LINGO2: variants seen among roughly 807,000 people sequenced by gnomAD.
LINGO2 encodes leucine rich repeat and Ig domain containing 2.
Under a neutral mutation model 30.6 loss-of-function variants are expected in LINGO2, and 14 were observed. The observed-to-expected ratio is 0.46, with a 90% CI of 0.30 to 0.72. LINGO2 has a LOEUF of 0.72. LINGO2 is among the 30% of genes least tolerant of loss of function. The pLI, the probability that LINGO2 is intolerant of heterozygous loss-of-function variation, is 0.07. For missense variants in LINGO2, 729 were observed against 751.7 expected, an observed-to-expected ratio of 0.97 and a Z score of 0.35; for synonymous variants, 317 against 288.5, an observed-to-expected ratio of 1.10 and a Z score of -1.00.
intron 4 of LINGO2, among the ~76,000 whole-genome samples, chr9:28,173,156 T>C (rs1564017778): frequency 6.6e-6 from 1 of 152,184 alleles, no homozygotes; most frequent in Admixed American, 6.5e-5. Flanking sequence ...TATATACACA[T>C]ACAAATGAGA....
chr9:28,677,083 C>T, the LINGO2 span, among the ~76,000 whole-genome samples: 1 of 152,084 alleles, frequency 6.6e-6, no homozygotes, highest in Non-Finnish European at 1.5e-5. Flanking sequence ...CATTTATTTG[C>T]ATGCCTAATT....
chr9:28,254,578 G>C (rs894839097), intron 4 of LINGO2, among the ~76,000 whole-genome samples: 9 of 151,960 alleles, frequency 5.9e-5, no homozygotes, highest in African/African-American at 2.2e-4. Flanking sequence ...ATAGCTTTTA[G>C]AGGCACTTTA....
chr9:27,963,026 T>C (rs1375404430), intron 5 of LINGO2, among the ~76,000 whole-genome samples: 1 of 152,160 alleles, frequency 6.6e-6, no homozygotes, highest in African/African-American at 2.4e-5. Context: ...GAAATAGACT[T>C]AAAGAAGCAA....
At chr9:27,951,843 C>T (rs993138727) in intron 5 of LINGO2, among the ~76,000 whole-genome samples, 15 of 151,356 alleles carry the variant, frequency 9.9e-5, no homozygotes, top group South Asian at 4.2e-4. Context: ...AATAATTATC[C>T]GATTACAGTA....
At chr9:28,276,859 G>A (rs1025942188) in intron 4 of LINGO2, among the ~76,000 whole-genome samples, 17 of 152,146 alleles carry the variant, frequency 1.1e-4, no homozygotes, top group Middle Eastern at 3.4e-3. Flanking sequence ...ATGATATCTC[G>A]TTAATATTAA....
chr9:27,994,482 G>T (rs1821558684), intron 5 of LINGO2, among the ~76,000 whole-genome samples: 1 of 152,100 alleles, frequency 6.6e-6, no homozygotes, highest in Non-Finnish European at 1.5e-5. Flanking sequence ...GAAAAGGGAG[G>T]TCTGGGAAAT....
At chr9:28,568,389 C>T (rs1179090859) in intron 1 of LINGO2, among the ~76,000 whole-genome samples, 2 of 151,892 alleles carry the variant, frequency 1.3e-5, no homozygotes, top group Non-Finnish European at 2.9e-5. Flanking sequence ...GGCTTAGTAC[C>T]TGGATGACAA....
At chr9:28,813,435 A>G in the LINGO2 span, among the ~76,000 whole-genome samples, 5 of 152,198 alleles carry the variant, frequency 3.3e-5, no homozygotes, top group Non-Finnish European at 1.5e-5. Flanking sequence ...ATTGTACTGT[A>G]CTCACCTATT....
chr9:29,210,044 C>T, the LINGO2 span, among the ~76,000 whole-genome samples: 3 of 152,246 alleles, frequency 2.0e-5, no homozygotes, highest in South Asian at 6.2e-4. Context: ...AGAGCCAGAT[C>T]ATAATCAGTT....
At chr9:28,914,581 A>G in the LINGO2 span, among the ~76,000 whole-genome samples, 1 of 152,186 alleles carries the variant, frequency 6.6e-6, no homozygotes, top group Non-Finnish European at 1.5e-5. Flanking sequence ...AGGTTCACTT[A>G]TACATGGATT....
intron 1 of LINGO2, among the ~76,000 whole-genome samples, chr9:28,602,949 C>T (rs1463586642): frequency 6.6e-6 from 1 of 152,000 alleles, no homozygotes; most frequent in Non-Finnish European, 1.5e-5. Context: ...CAAATAAAGA[C>T]TGGCACATAG....
rs1563949580 is a variant in LINGO2, at chr9:28,057,559, A to ATATATACATATATACACATATATG, written c.-86-45155_-86-45154insCATATATGTGTATATATGTATATA. On this transcript the variant is annotated intron_variant, in intron 4 of 5. Transcript: ENST00000379992. ...CACACACATATGTATATAAGTATAT[A>ATATATACATATATACACATATATG]TATATACATATATATACACATATAT... 1.4e-3 allele frequency among the ~76,000 whole-genome samples: 178 copies of ATATATACATATATACACATATATG among 126,166 alleles called. 4 individuals carry two copies. Among genetic ancestry groups the ATATATACATATATACACATATATG allele is most frequent in the African/African-American group, 5.0e-3 (165 of 32,834 alleles). The allele number at this position is 126,166 out of a possible 152,430, so 82.8% of individuals were successfully genotyped here. A position where few individuals can be genotyped will look rare whatever the true frequency, so the allele number is the denominator to read the frequency against.
chr9:29,177,872 C>CTTT, the LINGO2 span, among the ~76,000 whole-genome samples: 1 of 150,732 alleles, frequency 6.6e-6, no homozygotes. Context: ...AAATTGACCC[C>CTTT]TTCTCTCTTT....
At chr9:28,892,202 T>G in the LINGO2 span, among the ~76,000 whole-genome samples, 1 of 151,954 alleles carries the variant, frequency 6.6e-6, no homozygotes, top group South Asian at 2.1e-4. Flanking sequence ...TGATTAGAAT[T>G]ATGAAAAACA....
At chr9:29,077,094 A>G in the LINGO2 span, among the ~76,000 whole-genome samples, 2 of 152,098 alleles carry the variant, frequency 1.3e-5, no homozygotes, top group Non-Finnish European at 2.9e-5. Context: ...CAAACCAAGG[A>G]AAGTATTTTA....
At chr9:28,795,981 G>A in the LINGO2 span, among the ~76,000 whole-genome samples, 1 of 72,518 alleles carries the variant, frequency 1.4e-5, no homozygotes, top group African/African-American at 6.0e-5. Context: ...GCCAGTACTA[G>A]ATACACACAC....
intron 4 of LINGO2, among the ~76,000 whole-genome samples, chr9:28,128,865 G>T (rs1452339): frequency 0.98 from 149,616 of 152,246 alleles, 73,571 homozygotes; most frequent in Non-Finnish European, 1. Flanking sequence ...TAGAGGAGAT[G>T]AACATTTGAG....
At chr9:28,807,489 C>T in the LINGO2 span, among the ~76,000 whole-genome samples, 2 of 152,156 alleles carry the variant, frequency 1.3e-5, no homozygotes, top group African/African-American at 4.8e-5. Context: ...CTGAATTAAG[C>T]CTCTTGGAGA....
chr9:28,823,364 G>T, the LINGO2 span, among the ~76,000 whole-genome samples: 7 of 152,182 alleles, frequency 4.6e-5, no homozygotes, highest in East Asian at 1.3e-3. Flanking sequence ...ATATTAAAAG[G>T]TTTTATAGGT....
Sources: gnomAD v4.1 joint callset for allele counts (sites outside exome capture counted in the v4.1 genomes callset) on GRCh38, gnomAD v4.1.1 for gene constraint, MANE v1.5 for transcripts, NCBI Gene and HGNC (gene_info 2026-07-23, HGNC 2026-07-21) for gene names.